NEK1: variants seen among roughly 807,000 people sequenced by gnomAD.
The protein encoded by NEK1 is serine/threonine-protein kinase Nek1.
NEK1 carries 137 observed loss-of-function variants against 182.1 expected under a neutral mutation model. That is an observed-to-expected ratio of 0.75 (90% CI 0.65 to 0.87). The LOEUF (loss-of-function observed/expected upper bound fraction) is 0.87. Ranked by LOEUF, NEK1 falls within the 40% of genes least tolerant of loss-of-function variation. The pLI is 0.00. For synonymous variants in NEK1, 513 were observed against 492.2 expected, an observed-to-expected ratio of 1.04 and a Z score of -0.56; for missense variants, 1,391 against 1,494.4, an observed-to-expected ratio of 0.93 and a Z score of 1.14.
At chr4:169,486,641 T>C (rs1749090549) in intron 23 of NEK1, among the ~76,000 whole-genome samples, 2 of 152,210 alleles carry the variant, frequency 1.3e-5, no homozygotes, top group African/African-American at 2.4e-5. Context: ...ACCAATAGTA[T>C]AAAAGTATTT....
In NEK1 at chr4:169,404,203, ATGT is replaced by A. The variant is rs140029113; in HGVS notation, c.3375-2346_3375-2344del. ...AGTTTGTCAACAATAAAAATCCTGA[ATGT>A]TGTTATGTTCTCCAATAGGATTAAT... On this transcript the variant is annotated intron_variant, in intron 32 of 35. Coordinates refer to ENST00000507142, the MANE Select transcript of NEK1 (RefSeq NM_001199397.3). Among the ~76,000 whole-genome samples, 677 of 152,284 alleles carry A rather than the reference ATGT, an allele frequency of 4.4e-3. 2 individuals carry two copies. The highest frequency in any genetic ancestry group is 0.015 in the African/African-American group (629 of 41,564).
intron 31 of NEK1, among the ~76,000 whole-genome samples, chr4:169,415,937 G>A (rs1734472671): frequency 6.6e-6 from 1 of 152,202 alleles, no homozygotes; most frequent in South Asian, 2.1e-4. Context: ...TGCTTGTGAG[G>A]TGGAGGGCGG....
chr4:169,589,541 C>T (rs1357993893), intron 6 of NEK1, 27 bp from the exon 7 acceptor site: 2 of 1,316,194 alleles, frequency 1.5e-6, no homozygotes, highest in African/African-American at 1.5e-5. Flanking sequence ...AAAAAAAAAC[C>T]CTAGAAATAT....
chr4:169,538,475 A>G (rs763934845), intron 18 of NEK1, among the ~76,000 whole-genome samples: 19 of 152,192 alleles, frequency 1.2e-4, no homozygotes, highest in Admixed American at 2.0e-4. Flanking sequence ...ATCTTTTCCA[A>G]TTTTACTTTT....
intron 26 of NEK1, among the ~76,000 whole-genome samples, chr4:169,465,715 T>C (rs995480834): frequency 5.9e-5 from 9 of 152,106 alleles, no homozygotes; most frequent in Non-Finnish European, 1.2e-4. Flanking sequence ...TTCAGAAAGG[T>C]TGTTGATGCA....
intron 27 of NEK1, among the ~76,000 whole-genome samples, chr4:169,444,764 A>T (rs1004089309): frequency 6.6e-6 from 1 of 152,214 alleles, no homozygotes; most frequent in African/African-American, 2.4e-5. Context: ...CGTAACAGAC[A>T]TCTACAGAAC....
chr4:169,526,348 G>T (rs1036400409), intron 19 of NEK1, among the ~76,000 whole-genome samples: 1 of 152,102 alleles, frequency 6.6e-6, no homozygotes, highest in Non-Finnish European at 1.5e-5. Flanking sequence ...AATTAGCCAC[G>T]CATGATGGCA....
intron 18 of NEK1, among the ~76,000 whole-genome samples, chr4:169,548,721 G>A (rs1012290897): frequency 1.6e-4 from 24 of 152,320 alleles, no homozygotes; most frequent in Non-Finnish European, 2.4e-4. Context: ...GATGAGCTGC[G>A]GTGGGCTCCT....
chr4:169,524,528 T>G lies in NEK1; in HGVS notation c.1665+13281A>C, dbSNP rs775771613. On this transcript the variant is annotated intron_variant, in intron 19 of 35. Transcript: ENST00000507142. Reference sequence around the variant, plus strand: ...TCTCAGTCTATATACAGTAAAATTTTTATAATACTCAAATCAAACAGAACA... The same window carrying G: ...TCTCAGTCTATATACAGTAAAATTTGTATAATACTCAAATCAAACAGAACA... 9.9e-5 allele frequency among the ~76,000 whole-genome samples: 15 copies of G among 151,932 alleles called. 1 individual carries two copies. The highest frequency in any genetic ancestry group is 2.2e-4 in the Non-Finnish European group (15 of 67,990).
chr4:169,587,371 C>A (rs1028923108), intron 9 of NEK1, among the ~76,000 whole-genome samples, 188 bp downstream of exon 9: 1 of 151,362 alleles, frequency 6.6e-6, no homozygotes, highest in Non-Finnish European at 1.5e-5. Flanking sequence ...AGCAAATATA[C>A]CAGATATGCA....
intron 9 of NEK1, among the ~76,000 whole-genome samples, chr4:169,586,218 C>T (rs1767509808): frequency 6.6e-6 from 1 of 151,888 alleles, no homozygotes; most frequent in Admixed American, 6.6e-5. Flanking sequence ...TTGATATCTC[C>T]ACTAAAATAT....
intron 23 of NEK1, chr4:169,506,523 G>A (rs1056185707): frequency 6.6e-6 from 1 of 152,180 alleles, no homozygotes; most frequent in Non-Finnish European, 1.5e-5. Flanking sequence ...GGGAGGCTGA[G>A]GCGGGCAGAT....
At chr4:169,470,895 T>C (rs1457739137) in intron 26 of NEK1, among the ~76,000 whole-genome samples, 1 of 152,250 alleles carries the variant, frequency 6.6e-6, no homozygotes, top group Non-Finnish European at 1.5e-5. Flanking sequence ...TGATATCCTT[T>C]ATTCCACTTG....
At chr4:169,430,245 C>T (rs1737172188) in intron 29 of NEK1, among the ~76,000 whole-genome samples, 1 of 152,088 alleles carries the variant, frequency 6.6e-6, no homozygotes, top group African/African-American at 2.4e-5. Context: ...TACAGTGGCG[C>T]AATCTTGGCT....
At chr4:169,522,454 T>C (rs192797863) in intron 19 of NEK1, among the ~76,000 whole-genome samples, 10 of 152,376 alleles carry the variant, frequency 6.6e-5, no homozygotes, top group Admixed American at 6.5e-4. Flanking sequence ...AAAAGACTCA[T>C]AGTCCTGCTT....
chr4:169,529,079 T>TAG (rs1757302071), intron 19 of NEK1, among the ~76,000 whole-genome samples: 1 of 152,116 alleles, frequency 6.6e-6, no homozygotes, highest in South Asian at 2.1e-4. Context: ...TGAATGAGAA[T>TAG]GAAAACACAA....
chr4:169,570,493 C>T (rs1294068595), intron 12 of NEK1, among the ~76,000 whole-genome samples: 41 of 150,206 alleles, frequency 2.7e-4, no homozygotes, highest in Middle Eastern at 6.8e-3. Context: ...CCGCCCCGTC[C>T]GGAAGGGAGG....
intron 12 of NEK1, among the ~76,000 whole-genome samples, chr4:169,567,405 A>AT (rs541042339): frequency 0.045 from 6,544 of 146,746 alleles, 434 homozygotes; most frequent in African/African-American, 0.15. Context: ...GAAAAAAAAA[A>AT]TTTTTTTTTT....
chr4:169,396,183 T>C (rs1358460652), intron 35 of NEK1, among the ~76,000 whole-genome samples: 1 of 151,548 alleles, frequency 6.6e-6, no homozygotes, highest in Admixed American at 6.6e-5. Context: ...CTGGCCAACA[T>C]GGTGAAACCC....
Sources: gnomAD v4.1 joint callset for allele counts (sites outside exome capture counted in the v4.1 genomes callset) on GRCh38, gnomAD v4.1.1 for gene constraint, MANE v1.5 for transcripts, NCBI Gene and HGNC (gene_info 2026-07-23, HGNC 2026-07-21) for gene names.